Variants in CREBRF observed in about 807,000 individuals in gnomAD.
CREBRF encodes CREB3 regulatory factor, also known as UPF0474 protein C5orf41.
A neutral mutation model predicts 66.1 loss-of-function variants in CREBRF; 5 were observed. The observed-to-expected ratio is 0.08, with a 90% confidence interval of 0.04 to 0.16. The LOEUF (loss-of-function observed/expected upper bound fraction) is 0.16. Among genes scored for constraint, CREBRF ranks in the 10% least tolerant of loss-of-function variants. CREBRF has a pLI of 1.00. For synonymous variants in CREBRF, 229 were observed against 264.4 expected, an observed-to-expected ratio of 0.87 and a Z score of 1.30; for missense variants, 531 against 744.9, an observed-to-expected ratio of 0.71 and a Z score of 3.34.
At chr5:173,123,880 C>A (rs1050041899) in intron 8 of CREBRF, 2 of 152,212 alleles carry the variant, frequency 1.3e-5, no homozygotes, top group African/African-American at 4.8e-5. Flanking sequence ...AGACCCTAAT[C>A]GCCAGTATTT....
chr5:173,081,130 T>C (rs895736940), intron 2 of CREBRF, among the ~76,000 whole-genome samples: 3 of 152,212 alleles, frequency 2.0e-5, no homozygotes, highest in Non-Finnish European at 2.9e-5. Flanking sequence ...AATTCTTACC[T>C]TTCATTTATG....
chr5:173,070,336 T>A (rs1757561588), intron 1 of CREBRF, among the ~76,000 whole-genome samples: 1 of 152,170 alleles, frequency 6.6e-6, no homozygotes, highest in South Asian at 2.1e-4. Flanking sequence ...CCTGTTTTTA[T>A]GCCGCTGCCA....
chr5:173,067,979 G>A (rs1031524546), intron 1 of CREBRF: 6 of 293,796 alleles, frequency 2.0e-5, no homozygotes, highest in South Asian at 5.4e-5. Flanking sequence ...CAGCCTGGGC[G>A]ACAGAGCGAG....
intron 1 of CREBRF, among the ~76,000 whole-genome samples, chr5:173,070,232 A>G: frequency 6.6e-6 from 1 of 152,092 alleles, no homozygotes; most frequent in Non-Finnish European, 1.5e-5. Flanking sequence ...AATCCTTGCT[A>G]ACAACAGCAT....
intron 4 of CREBRF, among the ~76,000 whole-genome samples, chr5:173,095,229 C>T (rs1758449667): frequency 1.6e-5 from 2 of 122,646 alleles, no homozygotes; most frequent in African/African-American, 3.2e-5. Context: ...CGTTCTGTTG[C>T]TCAGGCTGGA....
chr5:173,082,294 T>C (rs958640907), intron 2 of CREBRF, among the ~76,000 whole-genome samples: 1 of 128,356 alleles, frequency 7.8e-6, no homozygotes, highest in Non-Finnish European at 1.8e-5. Flanking sequence ...ATTACAGGCG[T>C]GAGCCACCGT....
chr5:173,121,010 G>A (rs1389534926), intron 7 of CREBRF, among the ~76,000 whole-genome samples: 2 of 151,764 alleles, frequency 1.3e-5, no homozygotes, highest in Admixed American at 1.3e-4. Context: ...CTTCTTATGT[G>A]GATTTTAAAT....
intron 8 of CREBRF, among the ~76,000 whole-genome samples, chr5:173,128,941 C>T (rs568527699): frequency 2.0e-5 from 3 of 151,424 alleles, no homozygotes; most frequent in East Asian, 3.9e-4. Flanking sequence ...CCACCATGCC[C>T]GGCGAATTTT....
At chr5:173,126,076 T>C (rs1373787983) in intron 8 of CREBRF, among the ~76,000 whole-genome samples, 1 of 152,178 alleles carries the variant, frequency 6.6e-6, no homozygotes. Context: ...TCCCTCATTT[T>C]ATTTGGACCA....
chr5:173,120,513 G>T (rs1402784334), intron 7 of CREBRF, among the ~76,000 whole-genome samples: 1 of 150,996 alleles, frequency 6.6e-6, no homozygotes, highest in Non-Finnish European at 1.5e-5. Flanking sequence ...CTGAGTAGCT[G>T]GGATTACAGG....
rs538582472 is a variant in CREBRF, at chr5:173,100,727, A to C, written c.1223-7897A>C. On this transcript the variant is annotated intron_variant, in intron 4 of 8. Transcript: ENST00000296953. The stretch of plus-strand genomic sequence containing the variant: ...GCGTGAGCCACACCGCTCCCCCCCA[A>C]CCCATATGTTTTCATGCTGTTAGTT... 1.3e-4 allele frequency among the ~76,000 whole-genome samples: 20 copies of C among 152,284 alleles called. No homozygotes were observed. The East Asian group carries it at 3.1e-3, about 24-fold the overall frequency.
intron 4 of CREBRF, chr5:173,092,062 C>T (rs186972122): frequency 1.8e-6 from 1 of 562,918 alleles, no homozygotes; most frequent in Non-Finnish European, 2.3e-6. Flanking sequence ...GCCTGGGCAA[C>T]AGGAGTGAAA....
chr5:173,125,853 G>T (rs1759258197), intron 8 of CREBRF, among the ~76,000 whole-genome samples: 1 of 152,164 alleles, frequency 6.6e-6, no homozygotes, highest in African/African-American at 2.4e-5. Context: ...GACAGAGCGA[G>T]ACTCCTTTTC....
intron 7 of CREBRF, among the ~76,000 whole-genome samples, chr5:173,113,527 C>T (rs1397637274): frequency 5.3e-5 from 8 of 152,050 alleles, no homozygotes; most frequent in African/African-American, 2.4e-5. Flanking sequence ...AGGCTGGTTT[C>T]GAACTCCTGA....
chr5:173,117,627 C>T (rs1404302571), intron 7 of CREBRF, among the ~76,000 whole-genome samples: 1 of 79,254 alleles, frequency 1.3e-5, no homozygotes. Flanking sequence ...CCCTCACTCC[C>T]TCCCTCCCTC....
At chr5:173,105,855 T>C (rs577492260) in intron 4 of CREBRF, among the ~76,000 whole-genome samples, 1 of 151,596 alleles carries the variant, frequency 6.6e-6, no homozygotes, top group Non-Finnish European at 1.5e-5. Flanking sequence ...CCTGACCTCC[T>C]GATCCGCCCG....
chr5:173,102,708 G>A (rs1310893911), intron 4 of CREBRF, among the ~76,000 whole-genome samples: 22 of 152,062 alleles, frequency 1.4e-4, no homozygotes, highest in Admixed American at 1.1e-3. Flanking sequence ...AGCGTGGCAT[G>A]GGGGTCTCTT....
intron 2 of CREBRF, chr5:173,085,387 G>A: frequency 8.3e-7 from 1 of 1,198,738 alleles, no homozygotes; most frequent in Admixed American, 1.9e-5. Context: ...CTCCAGGGCA[G>A]CCAATATTGT....
chr5:173,092,613 A>G (rs1209732331), intron 4 of CREBRF, among the ~76,000 whole-genome samples: 2 of 152,224 alleles, frequency 1.3e-5, no homozygotes, highest in Non-Finnish European at 2.9e-5. Flanking sequence ...AAACTATCAA[A>G]GAGAGCCCTT....
Sources: allele counts gnomAD v4.1 joint callset (sites outside exome capture counted in the v4.1 genomes callset), GRCh38; gene constraint gnomAD v4.1.1; transcripts MANE v1.5; gene names NCBI Gene and HGNC (gene_info 2026-07-23, HGNC 2026-07-21).